The following ITGAV variants were observed in gnomAD, a reference collection of about 807,000 sequenced individuals.
ITGAV encodes the protein integrin alpha-V.
ITGAV carries 76 observed loss-of-function variants against 143.8 expected under a neutral mutation model. The observed-to-expected ratio is 0.53, with a 90% CI of 0.44 to 0.64. The LOEUF (loss-of-function observed/expected upper bound fraction) is 0.64. Ranked by LOEUF, ITGAV falls within the 30% of genes least tolerant of loss-of-function variation. The pLI is 0.00. For missense variants in ITGAV, 1,193 were observed against 1,274.7 expected, an observed-to-expected ratio of 0.94 and a Z score of 0.98; for synonymous variants, 453 against 446.7, an observed-to-expected ratio of 1.01 and a Z score of -0.18.
chr2:186,599,334 C>G (rs1344429231), intron 1 of ITGAV, among the ~76,000 whole-genome samples: 1 of 152,174 alleles, frequency 6.6e-6, no homozygotes, highest in Non-Finnish European at 1.5e-5. Flanking sequence ...CATTGCCCCT[C>G]CTCTTTCGAC....
chr2:186,599,540 T>A (rs1686839306), intron 1 of ITGAV, among the ~76,000 whole-genome samples: 1 of 152,214 alleles, frequency 6.6e-6, no homozygotes, highest in Non-Finnish European at 1.5e-5. Context: ...GGCTGTTTGC[T>A]TACTTTGTAG....
intron 13 of ITGAV, 86 bp downstream of exon 13, chr2:186,646,963 A>AATTGCAATAATACTG: frequency 1.1e-6 from 1 of 887,822 alleles, no homozygotes; most frequent in South Asian, 2.3e-5. Flanking sequence ...TTTATGTTAT[A>AATTGCAATAATACTG]AATTATTGCA....
chr2:186,646,315 C>G (rs992235004), intron 12 of ITGAV, among the ~76,000 whole-genome samples: 1 of 152,124 alleles, frequency 6.6e-6, no homozygotes, highest in Non-Finnish European at 1.5e-5. Flanking sequence ...GTGTCCTCCT[C>G]CATCCCCTAC....
At chr2:186,617,056 A>G (rs984589540) in intron 2 of ITGAV, among the ~76,000 whole-genome samples, 4 of 151,378 alleles carry the variant, frequency 2.6e-5, no homozygotes, top group Middle Eastern at 6.8e-3. Context: ...TTTAGCAAAA[A>G]GTAAGTTAAG....
chr2:186,667,821 C>T (rs774575930), intron 24 of ITGAV, 45 bp downstream of exon 24: 9 of 1,220,538 alleles, frequency 7.4e-6, no homozygotes, highest in African/African-American at 4.5e-5. Context: ...AGCAAGCCAA[C>T]GAAGAGAGGA....
chr2:186,621,038 G>T (rs1687505546), intron 2 of ITGAV, among the ~76,000 whole-genome samples: 1 of 152,036 alleles, frequency 6.6e-6, no homozygotes, highest in Non-Finnish European at 1.5e-5. Context: ...GTGGGGTTGT[G>T]GTATTTAGAT....
At chr2:186,660,823 C>T (rs982250428) in intron 18 of ITGAV, among the ~76,000 whole-genome samples, 1 of 152,140 alleles carries the variant, frequency 6.6e-6, no homozygotes, top group Non-Finnish European at 1.5e-5. Context: ...GTCAGCAGGG[C>T]TAATTTCTTC....
intron 17 of ITGAV, among the ~76,000 whole-genome samples, chr2:186,657,758 C>T (rs575790285): frequency 2.6e-4 from 39 of 152,008 alleles, no homozygotes; most frequent in Non-Finnish European, 4.7e-4. Flanking sequence ...AACTTTTAGA[C>T]AAATCATGGA....
At chr2:186,596,901 G>A (rs1326294064) in intron 1 of ITGAV, among the ~76,000 whole-genome samples, 2 of 152,098 alleles carry the variant, frequency 1.3e-5, no homozygotes, top group South Asian at 2.1e-4. Flanking sequence ...ATATCGAGAT[G>A]GCATTTTGGA....
intron 26 of ITGAV, among the ~76,000 whole-genome samples, chr2:186,671,456 T>C (rs1241007531): frequency 6.6e-6 from 1 of 152,170 alleles, no homozygotes; most frequent in Admixed American, 6.5e-5. Flanking sequence ...CCAGATATCC[T>C]TGTGGCTTAT....
intron 13 of ITGAV, among the ~76,000 whole-genome samples, chr2:186,648,852 G>A (rs1327547269): frequency 1.3e-5 from 2 of 151,046 alleles, no homozygotes; most frequent in East Asian, 1.9e-4. Context: ...ATAATCTAAT[G>A]TATAGTTATG....
At chr2:186,639,916 C>T (rs1236812546) in intron 10 of ITGAV, among the ~76,000 whole-genome samples, 1 of 152,086 alleles carries the variant, frequency 6.6e-6, no homozygotes, top group African/African-American at 2.4e-5. Flanking sequence ...ACCTTGTACC[C>T]CAAACACAGT....
At chr2:186,649,143 T>A (rs1688353566) in intron 13 of ITGAV, among the ~76,000 whole-genome samples, 2 of 151,736 alleles carry the variant, frequency 1.3e-5, no homozygotes, top group Non-Finnish European at 2.9e-5. Context: ...TCATTTTTTT[T>A]AAACTTTCAC....
At chr2:186,625,651 A>ACG (rs1687653040) in intron 4 of ITGAV, 64 bp downstream of exon 4, 1 of 701,690 alleles carries the variant, frequency 1.4e-6, no homozygotes, top group African/African-American at 3.6e-5. Flanking sequence ...TGTTAAAAAT[A>ACG]TGTGTGTGTG....
chr2:186,625,619 AAG>A (rs1687651688), intron 4 of ITGAV, 32 bp downstream of exon 4: 2 of 1,465,822 alleles, frequency 1.4e-6, no homozygotes, highest in Non-Finnish European at 1.9e-6. Flanking sequence ...AGCTTTTAAG[AAG>A]AGGGGTGGGA....
intron 13 of ITGAV, among the ~76,000 whole-genome samples, 168 bp downstream of exon 13, chr2:186,647,045 G>A (rs1354933970): frequency 2.6e-5 from 4 of 152,190 alleles, no homozygotes; most frequent in Non-Finnish European, 1.5e-5. Context: ...AAGGGTATAT[G>A]AAGAAAAGTC....
intron 2 of ITGAV, among the ~76,000 whole-genome samples, chr2:186,604,488 C>T (rs1464613776): frequency 6.6e-6 from 1 of 152,070 alleles, no homozygotes; most frequent in Non-Finnish European, 1.5e-5. Context: ...AGTATTTGTA[C>T]AAATATGTGA....
At chr2:186,641,611 A>G (rs1380894238) in intron 12 of ITGAV, 23 bp downstream of exon 12, 1 of 1,598,320 alleles carries the variant, frequency 6.3e-7, no homozygotes, top group Non-Finnish European at 8.6e-7. Flanking sequence ...TTTAGCAGCT[A>G]CAGGTCCCTG....
chr2:186,668,568 A>C, intron 24 of ITGAV, 194 bp from the exon 25 acceptor site: 1 of 526,702 alleles, frequency 1.9e-6, no homozygotes, highest in Admixed American at 3.6e-5. Context: ...GACACATATT[A>C]CTCTGTGTTA....
Sources: gnomAD v4.1 joint callset for allele counts (sites outside exome capture counted in the v4.1 genomes callset) on GRCh38, gnomAD v4.1.1 for gene constraint, MANE v1.5 for transcripts, NCBI Gene and HGNC (gene_info 2026-07-23, HGNC 2026-07-21) for gene names.